The following DIS3L2 variants were observed in gnomAD, a reference collection of about 807,000 sequenced individuals.
DIS3L2 encodes the protein DIS3 like 3'-5' exoribonuclease 2, also known as DIS3-like exonuclease 2.
A neutral mutation model predicts 97.5 loss-of-function variants in DIS3L2; 34 were observed. The observed-to-expected ratio is 0.35, with a 90% CI of 0.27 to 0.46. The LOEUF is 0.46. DIS3L2 is among the 20% of genes least tolerant of loss of function. DIS3L2 has a pLI of 1.00. For missense variants in DIS3L2, 1,038 were observed against 1,146.0 expected (o/e 0.91, Z 1.36); for synonymous variants, 435 against 445.2 (o/e 0.98, Z 0.29).
At chr2:232,324,442 C>T (rs1695519902) in intron 14 of DIS3L2, among the ~76,000 whole-genome samples, 1 of 152,130 alleles carries the variant, frequency 6.6e-6, no homozygotes, top group Non-Finnish European at 1.5e-5. Flanking sequence ...TGTTTCTGTC[C>T]CACATTTGCC....
chr2:232,115,110 T>C (rs1559643645), intron 6 of DIS3L2, among the ~76,000 whole-genome samples: 2 of 152,108 alleles, frequency 1.3e-5, no homozygotes, highest in East Asian at 3.9e-4. Flanking sequence ...AGCAGAGCCC[T>C]CCTGATCCAA....
intron 13 of DIS3L2, among the ~76,000 whole-genome samples, chr2:232,342,557 G>A (rs922755813): frequency 4.6e-5 from 7 of 152,194 alleles, no homozygotes; most frequent in Non-Finnish European, 1.0e-4. Flanking sequence ...TAATAGCACA[G>A]GAATGATCCA....
At chr2:232,158,634 G>A (rs1440305985) in intron 8 of DIS3L2, among the ~76,000 whole-genome samples, 2 of 152,038 alleles carry the variant, frequency 1.3e-5, no homozygotes, top group African/African-American at 4.8e-5. Flanking sequence ...CACTGTTTCT[G>A]TGAGCCCTTT....
intron 1 of DIS3L2, among the ~76,000 whole-genome samples, chr2:231,987,015 G>A (rs533362334): frequency 6.6e-6 from 1 of 152,302 alleles, no homozygotes; most frequent in African/African-American, 2.4e-5. Flanking sequence ...GTACTTTATG[G>A]AAGTATTAAA....
chr2:232,122,685 T>C (rs1401887692), intron 6 of DIS3L2, among the ~76,000 whole-genome samples: 1 of 152,086 alleles, frequency 6.6e-6, no homozygotes, highest in Non-Finnish European at 1.5e-5. Context: ...ACCCTTGCAC[T>C]CCAGCCTGGT....
chr2:232,034,015 G>T (rs1238279102), intron 5 of DIS3L2, among the ~76,000 whole-genome samples: 1 of 151,954 alleles, frequency 6.6e-6, no homozygotes, highest in African/African-American at 2.4e-5. Flanking sequence ...CTCTTTTTCT[G>T]TTGTATGGAA....
At chr2:232,225,750 G>T (rs1001444665) in intron 10 of DIS3L2, among the ~76,000 whole-genome samples, 9 of 152,048 alleles carry the variant, frequency 5.9e-5, no homozygotes, top group Non-Finnish European at 1.0e-4. Context: ...TTAAAAAAAT[G>T]AAGGAGTACA....
chr2:232,039,602 T>A (rs1231555688), intron 5 of DIS3L2, among the ~76,000 whole-genome samples: 1 of 152,162 alleles, frequency 6.6e-6, no homozygotes, highest in Non-Finnish European at 1.5e-5. Context: ...GAAAAATAAT[T>A]TACTCTTATA....
At chr2:232,135,336 G>C (rs566865426) in intron 7 of DIS3L2, among the ~76,000 whole-genome samples, 1 of 152,250 alleles carries the variant, frequency 6.6e-6, no homozygotes, top group South Asian at 2.1e-4. Flanking sequence ...GTAAAGGTCT[G>C]GGTGTGGCAG....
chr2:232,251,428 GT>G (rs765137893), intron 12 of DIS3L2, among the ~76,000 whole-genome samples: 18 of 152,176 alleles, frequency 1.2e-4, no homozygotes, highest in Non-Finnish European at 2.1e-4. Flanking sequence ...TTGAGGAGCT[GT>G]CCCAAGAAGA....
chr2:232,098,709 C>G (rs1697104641), intron 6 of DIS3L2, among the ~76,000 whole-genome samples: 1 of 152,026 alleles, frequency 6.6e-6, no homozygotes, highest in South Asian at 2.1e-4. Flanking sequence ...TTTTTAATAT[C>G]ATTTGCCCAT....
At chr2:232,148,446 A>G (rs1340294967) in intron 8 of DIS3L2, among the ~76,000 whole-genome samples, 1 of 152,180 alleles carries the variant, frequency 6.6e-6, no homozygotes, top group East Asian at 1.9e-4. Flanking sequence ...TGTCCAGTCT[A>G]TGCTGCTGTA....
At chr2:232,139,989 G>C (rs1698466364) in intron 8 of DIS3L2, among the ~76,000 whole-genome samples, 1 of 152,176 alleles carries the variant, frequency 6.6e-6, no homozygotes, top group Admixed American at 6.5e-5. Context: ...CTCTGACTAG[G>C]GGGAGTGGGT....
intron 9 of DIS3L2, among the ~76,000 whole-genome samples, chr2:232,201,686 G>T (rs895020489): frequency 6.6e-6 from 1 of 152,210 alleles, no homozygotes; most frequent in Admixed American, 6.5e-5. Context: ...TGGTGTTAGT[G>T]TTGTGGTTCT....
At chr2:232,203,867 G>C (rs983072522) in intron 9 of DIS3L2, among the ~76,000 whole-genome samples, 12 of 152,200 alleles carry the variant, frequency 7.9e-5, no homozygotes, top group African/African-American at 2.9e-4. Context: ...TTGGAGATTG[G>C]TAGAGTTAAG....
chr2:232,244,724 A>T (rs1693201717), intron 11 of DIS3L2, among the ~76,000 whole-genome samples: 1 of 152,186 alleles, frequency 6.6e-6, no homozygotes, highest in African/African-American at 2.4e-5. Context: ...TGTGAAGAAG[A>T]GTTGAGGTTT....
chr2:232,172,910 T>C (rs910856891), intron 9 of DIS3L2, among the ~76,000 whole-genome samples: 2 of 152,218 alleles, frequency 1.3e-5, no homozygotes, highest in African/African-American at 4.8e-5. Flanking sequence ...TGGTCATTTG[T>C]ATATTTTCTT....
At chr2:232,139,755 A>G (rs1452959699) in intron 8 of DIS3L2, among the ~76,000 whole-genome samples, 1 of 152,180 alleles carries the variant, frequency 6.6e-6, no homozygotes. Flanking sequence ...GACTGAGAGT[A>G]AAGAATAGAT....
chr2:232,309,326 T>A (rs1423845547), intron 14 of DIS3L2, among the ~76,000 whole-genome samples: 1 of 152,138 alleles, frequency 6.6e-6, no homozygotes, highest in East Asian at 1.9e-4. Context: ...GAGAAGCAGA[T>A]GCTGAGATGG....
Sources: allele counts gnomAD v4.1 joint callset (sites outside exome capture counted in the v4.1 genomes callset), GRCh38; gene constraint gnomAD v4.1.1; transcripts MANE v1.5; gene names NCBI Gene and HGNC (gene_info 2026-07-23, HGNC 2026-07-21).